The following CSMD1 variants were observed in gnomAD, a reference collection of about 807,000 sequenced individuals.
The protein encoded by CSMD1 is CUB and sushi domain-containing protein 1.
CSMD1 carries 213 observed loss-of-function variants against 417.5 expected under a neutral mutation model. That is an observed-to-expected ratio of 0.51 (90% CI 0.46 to 0.57). The LOEUF (loss-of-function observed/expected upper bound fraction) is 0.57. Ranked by LOEUF, CSMD1 falls within the 20% of genes least tolerant of loss-of-function variation. The pLI, the probability that CSMD1 is intolerant of heterozygous loss-of-function variation, is 0.00. For missense variants in CSMD1, 6,923 were observed against 4,529.7 expected, an observed-to-expected ratio of 1.53 and a Z score of -15.17; for synonymous variants, 2,862 against 1,736.8, an observed-to-expected ratio of 1.65 and a Z score of -16.11.
intron 5 of CSMD1, among the ~76,000 whole-genome samples, chr8:3,755,084 T>C (rs186436450): frequency 2.1e-4 from 32 of 152,378 alleles, no homozygotes; most frequent in African/African-American, 6.7e-4. Context: ...TTTCTCACTA[T>C]TGAAAACCTT....
chr8:4,347,280 C>G (rs1203555652), intron 3 of CSMD1, among the ~76,000 whole-genome samples: 1 of 152,020 alleles, frequency 6.6e-6, no homozygotes, highest in East Asian at 1.9e-4. Flanking sequence ...TCACCTTGGC[C>G]CTCTCTAAAC....
intron 49 of CSMD1, among the ~76,000 whole-genome samples, chr8:3,082,107 T>C (rs1414918260): frequency 6.6e-6 from 1 of 152,180 alleles, no homozygotes; most frequent in Non-Finnish European, 1.5e-5. Flanking sequence ...GTATTTTCAA[T>C]ACCTGTTTTC....
intron 8 of CSMD1, among the ~76,000 whole-genome samples, chr8:3,588,599 A>T (rs1800704603): frequency 6.6e-6 from 1 of 152,138 alleles, no homozygotes; most frequent in Non-Finnish European, 1.5e-5. Context: ...TATCTTTTTC[A>T]TGCATTTTTT....
chr8:3,075,313 G>C (rs1374032667), intron 49 of CSMD1, among the ~76,000 whole-genome samples: 1 of 138,844 alleles, frequency 7.2e-6, no homozygotes, highest in Non-Finnish European at 1.5e-5. Context: ...GTTTCGCCCT[G>C]TCATCCAGGC....
At chr8:3,418,531 G>A (rs1813298419) in intron 12 of CSMD1, among the ~76,000 whole-genome samples, 5 of 152,032 alleles carry the variant, frequency 3.3e-5, no homozygotes, top group South Asian at 2.1e-4. Flanking sequence ...TGACGGTCCC[G>A]CTGATCTAGT....
intron 26 of CSMD1, among the ~76,000 whole-genome samples, chr8:3,280,310 T>G (rs1486617232): frequency 6.6e-6 from 1 of 152,226 alleles, no homozygotes; most frequent in Non-Finnish European, 1.5e-5. Context: ...CTATCCTCAT[T>G]TCATAAATAA....
At chr8:4,490,413 C>A (rs1801642026) in intron 2 of CSMD1, among the ~76,000 whole-genome samples, 1 of 152,208 alleles carries the variant, frequency 6.6e-6, no homozygotes, top group Non-Finnish European at 1.5e-5. Flanking sequence ...GTGTATTTCA[C>A]ATCTGTCCTA....
intron 17 of CSMD1, among the ~76,000 whole-genome samples, chr8:3,393,880 C>A (rs902335049): frequency 6.7e-6 from 1 of 150,310 alleles, no homozygotes; most frequent in Admixed American, 6.7e-5. Context: ...AGGAGATATA[C>A]CTAATGTAAA....
intron 3 of CSMD1, among the ~76,000 whole-genome samples, chr8:4,397,088 C>T (rs943502895): frequency 6.6e-6 from 1 of 152,102 alleles, no homozygotes; most frequent in East Asian, 1.9e-4. Flanking sequence ...TTCCCCATCT[C>T]TCTTTTCCCT....
At position 3,179,477 on chromosome 8, in the gene CSMD1, C is replaced by A. The variant is rs1248960189; in HGVS notation, c.5725+1633G>T. On this transcript the variant is annotated intron_variant, in intron 37 of 69. Transcript: ENST00000635120. Reference sequence around the variant, plus strand: ...TCATCTGAATGAGAAATATGTTAGTCTCTCTTTTTTAATGAATGATATTGT... The same window carrying A: ...TCATCTGAATGAGAAATATGTTAGTATCTCTTTTTTAATGAATGATATTGT... 2.0e-5 allele frequency among the ~76,000 whole-genome samples: 3 copies of A among 152,196 alleles called. No homozygotes were observed. In the South Asian group the frequency reaches 6.2e-4, roughly 32 times the overall value.
chr8:4,167,519 G>C (rs1396214233), intron 3 of CSMD1, among the ~76,000 whole-genome samples: 1 of 152,238 alleles, frequency 6.6e-6, no homozygotes, highest in African/African-American at 2.4e-5. Flanking sequence ...AATGTATGTA[G>C]CTACCTCTGA....
intron 25 of CSMD1, among the ~76,000 whole-genome samples, chr8:3,299,399 C>G (rs185109738): frequency 4.6e-5 from 7 of 152,050 alleles, no homozygotes; most frequent in African/African-American, 1.7e-4. Flanking sequence ...TTGCAGTGAG[C>G]CAAGATCACG....
chr8:4,606,646 T>A (rs1369248871), intron 2 of CSMD1, among the ~76,000 whole-genome samples: 2 of 152,188 alleles, frequency 1.3e-5, no homozygotes, highest in Non-Finnish European at 2.9e-5. Flanking sequence ...AAGATTGCAG[T>A]CAACCATGAT....
chr8:4,226,212 C>A (rs1195609325), intron 3 of CSMD1, among the ~76,000 whole-genome samples: 2 of 151,948 alleles, frequency 1.3e-5, no homozygotes, highest in South Asian at 2.1e-4. Context: ...CCACTCTTTA[C>A]CTTGAAAGGA....
At chr8:3,936,959 C>A (rs953995153) in intron 5 of CSMD1, among the ~76,000 whole-genome samples, 1 of 152,068 alleles carries the variant, frequency 6.6e-6, no homozygotes, top group Non-Finnish European at 1.5e-5. Flanking sequence ...CCAGCACGAA[C>A]AGGAGTTTAA....
intron 10 of CSMD1, among the ~76,000 whole-genome samples, chr8:3,523,475 G>T (rs114485795): frequency 1.8e-3 from 274 of 152,100 alleles, no homozygotes; most frequent in African/African-American, 6.1e-3. Flanking sequence ...AGTCCAATTC[G>T]CCCACCTGTG....
intron 37 of CSMD1, among the ~76,000 whole-genome samples, chr8:3,172,784 T>C (rs1285434698): frequency 2.0e-5 from 3 of 152,204 alleles, no homozygotes; most frequent in East Asian, 1.9e-4. Context: ...ACAAGGGCAG[T>C]TGAACCCAAT....
At chr8:4,269,588 C>T (rs1804443366) in intron 3 of CSMD1, among the ~76,000 whole-genome samples, 1 of 152,156 alleles carries the variant, frequency 6.6e-6, no homozygotes, top group South Asian at 2.1e-4. Flanking sequence ...TTGAAAGCAT[C>T]CTTCACATAC....
intron 19 of CSMD1, among the ~76,000 whole-genome samples, 163 bp from the exon 20 acceptor site, chr8:3,367,410 A>G (rs905150020): frequency 8.6e-5 from 13 of 152,020 alleles, no homozygotes; most frequent in Non-Finnish European, 1.8e-4. Flanking sequence ...AGTAATAGCC[A>G]CAGAGAGACA....
Sources: allele counts gnomAD v4.1 joint callset (sites outside exome capture counted in the v4.1 genomes callset), GRCh38; gene constraint gnomAD v4.1.1; transcripts MANE v1.5; gene names NCBI Gene and HGNC (gene_info 2026-07-23, HGNC 2026-07-21).